The following RYR3 variants were observed in gnomAD, a reference collection of about 807,000 sequenced individuals.
RYR3 encodes ryanodine receptor 3, also known as brain ryanodine receptor-calcium release channel.
A neutral mutation model predicts 584.3 loss-of-function variants in RYR3; 207 were observed. The ratio of observed to expected loss-of-function variants is 0.35; its 90% CI spans 0.32 to 0.40. RYR3 has a LOEUF of 0.40. RYR3 is among the 10% of genes least tolerant of loss of function. The pLI is 1.00. For missense variants in RYR3, 5,616 were observed against 6,089.2 expected, an observed-to-expected ratio of 0.92 and a Z score of 2.59; for synonymous variants, 2,416 against 2,248.5, an observed-to-expected ratio of 1.07 and a Z score of -2.11.
chr15:33,572,656 T>TACAC (rs1189671888), intron 12 of RYR3, among the ~76,000 whole-genome samples: 93 of 124,452 alleles, frequency 7.5e-4, no homozygotes, highest in Non-Finnish European at 9.4e-4. Context: ...AAAAACTATA[T>TACAC]ATACACACAC....
At chr15:33,772,661 C>G (rs1391563875) in intron 63 of RYR3, among the ~76,000 whole-genome samples, 2 of 152,198 alleles carry the variant, frequency 1.3e-5, no homozygotes. Context: ...GCCACCACCT[C>G]CTCCAGCCCC....
chr15:33,519,678 G>A (rs973605869), intron 3 of RYR3, among the ~76,000 whole-genome samples: 10 of 150,668 alleles, frequency 6.6e-5, no homozygotes, highest in Non-Finnish European at 1.0e-4. Context: ...TAGTTATTCC[G>A]GTCTATAGCT....
intron 3 of RYR3, among the ~76,000 whole-genome samples, chr15:33,516,137 T>C (rs1243053306): frequency 6.6e-6 from 1 of 152,218 alleles, no homozygotes; most frequent in African/African-American, 2.4e-5. Flanking sequence ...AGTAATGTCC[T>C]AGTTGCTGTA....
chr15:33,339,888 C>CAA (rs34401708), intron 1 of RYR3, among the ~76,000 whole-genome samples: 9,860 of 135,294 alleles, frequency 0.073, 493 homozygotes, highest in East Asian at 0.15. Flanking sequence ...GACTCCGTCT[C>CAA]AAAAAAAAAA....
intron 1 of RYR3, among the ~76,000 whole-genome samples, chr15:33,395,128 G>GAA (rs990894630): frequency 2.6e-5 from 4 of 152,270 alleles, no homozygotes; most frequent in African/African-American, 9.6e-5. Context: ...GGAAAATCAA[G>GAA]AAAATGTGCT....
intron 10 of RYR3, among the ~76,000 whole-genome samples, chr15:33,559,101 G>A (rs2057264260): frequency 6.6e-6 from 1 of 152,136 alleles, no homozygotes; most frequent in African/African-American, 2.4e-5. Context: ...TAAAGGAGGA[G>A]GTTGGCTTTA....
intron 67 of RYR3, among the ~76,000 whole-genome samples, chr15:33,789,957 T>C (rs549706573): frequency 3.1e-4 from 44 of 142,186 alleles, no homozygotes; most frequent in African/African-American, 1.0e-3. Context: ...GATTACAGAT[T>C]ACAGGCGTGA....
intron 38 of RYR3, among the ~76,000 whole-genome samples, chr15:33,681,686 C>T (rs905225959): frequency 1.3e-5 from 2 of 152,204 alleles, no homozygotes; most frequent in African/African-American, 4.8e-5. Flanking sequence ...AAGTGTACAT[C>T]CTTTACATGC....
chr15:33,555,132 A>G (rs915226313), intron 10 of RYR3, among the ~76,000 whole-genome samples: 4 of 152,210 alleles, frequency 2.6e-5, no homozygotes, highest in South Asian at 2.1e-4. Context: ...TGAAACATCT[A>G]TGTGCTAAGC....
At chr15:33,350,866 CA>C (rs1258620746) in intron 1 of RYR3, among the ~76,000 whole-genome samples, 3 of 151,854 alleles carry the variant, frequency 2.0e-5, no homozygotes, top group African/African-American at 7.3e-5. Flanking sequence ...AAAGCAAGAG[CA>C]AACACATTCA....
chr15:33,633,605 T>C (rs990585151), intron 24 of RYR3, among the ~76,000 whole-genome samples: 3 of 152,212 alleles, frequency 2.0e-5, no homozygotes, highest in African/African-American at 7.2e-5. Context: ...GGAGTGGCTA[T>C]GTGCACATTA....
chr15:33,452,790 G>C (rs2047236678), intron 1 of RYR3, among the ~76,000 whole-genome samples: 1 of 152,150 alleles, frequency 6.6e-6, no homozygotes, highest in Non-Finnish European at 1.5e-5. Flanking sequence ...GAACCTGGTA[G>C]TTTTCCCTAC....
chr15:33,830,384 T>C (rs7170806), intron 85 of RYR3, among the ~76,000 whole-genome samples: 23,631 of 152,180 alleles, frequency 0.16, 1,968 homozygotes, highest in Middle Eastern at 0.3. Flanking sequence ...TTTTTAGCAA[T>C]AAAGTATTTT....
In RYR3 at chr15:33,517,331, A is replaced by T. The variant is rs968093902; in HGVS notation, c.280-13261A>T. Among the ~76,000 whole-genome samples the T allele has an allele frequency of 2.6e-5, 4 of 152,174 alleles. No individual in the cohort carries two copies. In the East Asian group the frequency reaches 7.7e-4, roughly 29 times the overall value. On this transcript the variant is annotated intron_variant, in intron 3 of 103. Transcript: ENST00000634891. ...AAATAACCTTTCTGATTTTGTCTTT[A>T]TAATCCAGTGATTGAAAAAGAAGCT... is the stretch of plus-strand genomic sequence containing the variant.
At chr15:33,479,979 A>G (rs965744102) in intron 2 of RYR3, among the ~76,000 whole-genome samples, 5 of 152,154 alleles carry the variant, frequency 3.3e-5, no homozygotes, top group Non-Finnish European at 5.9e-5. Flanking sequence ...AATATCATGT[A>G]TTTTCTTCAA....
At chr15:33,786,074 C>A in intron 66 of RYR3, 92 bp downstream of exon 66, 1 of 1,146,142 alleles carries the variant, frequency 8.7e-7, no homozygotes, top group Non-Finnish European at 1.2e-6. Context: ...GATGGTTTTG[C>A]ACAAGCTCTA....
At chr15:33,486,626 A>G (rs145386241) in intron 2 of RYR3, among the ~76,000 whole-genome samples, 23 of 152,316 alleles carry the variant, frequency 1.5e-4, no homozygotes, top group Admixed American at 3.9e-4. Flanking sequence ...CAGTAAAGGA[A>G]TAATAGGTCA....
rs148869699 is a variant in RYR3, at chr15:33,404,050, T to C, written c.52-69369T>C. The stretch of plus-strand genomic sequence containing the variant: ...CTTATAATAGCAAGCCACATGTTAC[T>C]GTTCTTTCAGAAGTGTTTTTGCCTC... On this transcript the variant is annotated intron_variant, in intron 1 of 103. Transcript: ENST00000634891. 2.5e-3 allele frequency among the ~76,000 whole-genome samples: 381 copies of C among 152,370 alleles called. 2 individuals carry two copies. The highest frequency in any genetic ancestry group is 8.8e-3 in the African/African-American group (364 of 41,594).
At chr15:33,734,738 G>A (rs1465765753) in intron 48 of RYR3, among the ~76,000 whole-genome samples, 3 of 138,570 alleles carry the variant, frequency 2.2e-5, no homozygotes, top group Admixed American at 7.7e-5. Flanking sequence ...CGCCCAGGTT[G>A]GAGTGCAGTG....
Sources: allele counts gnomAD v4.1 joint callset (sites outside exome capture counted in the v4.1 genomes callset), GRCh38; gene constraint gnomAD v4.1.1; transcripts MANE v1.5; gene names NCBI Gene and HGNC (gene_info 2026-07-23, HGNC 2026-07-21).